The following MARCHF1 variants were observed in gnomAD, a reference collection of about 807,000 sequenced individuals.
MARCHF1 encodes the protein membrane associated ring-CH-type finger 1, also known as E3 ubiquitin-protein ligase MARCHF1.
MARCHF1 carries 40 observed loss-of-function variants against 54.2 expected under a neutral mutation model. The ratio of observed to expected loss-of-function variants is 0.74; its 90% CI spans 0.57 to 0.96. MARCHF1 has a LOEUF of 0.96. Among genes scored for constraint, MARCHF1 ranks in the 40% least tolerant of loss-of-function variants. The pLI is 0.00. For synonymous variants in MARCHF1, 236 were observed against 236.3 expected, an observed-to-expected ratio of 1.00 and a Z score of 0.01; for missense variants, 586 against 656.5, an observed-to-expected ratio of 0.89 and a Z score of 1.17.
intron 1 of MARCHF1, among the ~76,000 whole-genome samples, chr4:164,171,432 G>A (rs548708392): frequency 1.2e-4 from 18 of 152,236 alleles, no homozygotes; most frequent in Middle Eastern, 6.8e-3. Context: ...TGATTTGAAA[G>A]TGTATGGCTT....
chr4:164,067,915 T>A (rs1754763023), intron 2 of MARCHF1, among the ~76,000 whole-genome samples: 1 of 103,924 alleles, frequency 9.6e-6, no homozygotes, highest in South Asian at 3.7e-4. Flanking sequence ...GTAAACCATA[T>A]GAACAGACAC....
chr4:164,019,342 C>G (rs975142255), intron 2 of MARCHF1, among the ~76,000 whole-genome samples: 2 of 152,144 alleles, frequency 1.3e-5, no homozygotes, highest in Non-Finnish European at 2.9e-5. Flanking sequence ...TTTTGGTTCA[C>G]TTAATTCTTC....
chr4:163,632,743 C>A (rs1029807294), intron 5 of MARCHF1, among the ~76,000 whole-genome samples: 3 of 152,346 alleles, frequency 2.0e-5, no homozygotes, highest in Middle Eastern at 3.4e-3. Context: ...GTGGAGCCCA[C>A]CATAGCTCAA....
intron 2 of MARCHF1, among the ~76,000 whole-genome samples, chr4:164,100,480 G>A (rs550253826): frequency 6.6e-6 from 1 of 152,118 alleles, no homozygotes; most frequent in Non-Finnish European, 1.5e-5. Context: ...TCCAACTTCT[G>A]GTGATAAGTA....
intron 4 of MARCHF1, among the ~76,000 whole-genome samples, chr4:163,827,831 C>T (rs145558761): frequency 8.5e-5 from 13 of 152,160 alleles, no homozygotes; most frequent in African/African-American, 3.1e-4. Context: ...CCAATGAAAA[C>T]AAGACCTTTC....
intron 3 of MARCHF1, among the ~76,000 whole-genome samples, chr4:163,929,952 A>ACAT (rs1553963991): frequency 2.9e-4 from 31 of 105,192 alleles, no homozygotes; most frequent in Admixed American, 2.1e-4. Flanking sequence ...TATATTATAT[A>ACAT]TATTATATAT....
At chr4:164,086,297 A>G (rs1296766664) in intron 2 of MARCHF1, among the ~76,000 whole-genome samples, 1 of 151,916 alleles carries the variant, frequency 6.6e-6, no homozygotes, top group African/African-American at 2.4e-5. Flanking sequence ...ATGGAGATGT[A>G]TCATGAATCT....
chr4:164,240,083 G>T (rs961528831), intron 1 of MARCHF1, among the ~76,000 whole-genome samples: 1 of 152,098 alleles, frequency 6.6e-6, no homozygotes, highest in African/African-American at 2.4e-5. Flanking sequence ...GAAATAGATT[G>T]TTCATCTCAA....
chr4:164,262,000 G>A (rs1335813309), intron 1 of MARCHF1, among the ~76,000 whole-genome samples: 2 of 151,444 alleles, frequency 1.3e-5, no homozygotes. Context: ...AGCTACTCAG[G>A]AGGCAGAGGC....
rs773553665 is a variant in MARCHF1, at chr4:163,853,221, GTTCATA to G, written c.111+794_111+799del. ...TAAAAAATACCCTAAATGATTCTTT[GTTCATA>G]TTTACTTATATGTTCAACTGCTAAT... On this transcript the variant is annotated intron_variant, in intron 4 of 9. Coordinates refer to ENST00000514618, the MANE Select transcript of MARCHF1 (RefSeq NM_001394959.1). Among the ~76,000 whole-genome samples, 145 of 152,188 alleles carry G rather than the reference GTTCATA, an allele frequency of 9.5e-4. 2 individuals are homozygous for G. The Middle Eastern group carries it at 0.038, about 40-fold the overall frequency.
At chr4:164,188,594 G>T in intron 1 of MARCHF1, 1 of 837,208 alleles carries the variant, frequency 1.2e-6, no homozygotes, top group Non-Finnish European at 2.1e-6. Context: ...TCTTGAAGGG[G>T]AATATCTGAT....
At chr4:164,318,326 T>C (rs1023620763) in intron 1 of MARCHF1, among the ~76,000 whole-genome samples, 4 of 152,104 alleles carry the variant, frequency 2.6e-5, no homozygotes, top group African/African-American at 7.3e-5. Context: ...CAATGTTTGA[T>C]GTTAACGTGG....
intron 4 of MARCHF1, among the ~76,000 whole-genome samples, chr4:163,747,647 C>G (rs1240809494): frequency 6.6e-6 from 1 of 152,144 alleles, no homozygotes; most frequent in East Asian, 1.9e-4. Flanking sequence ...CCAAATTGAA[C>G]TTCTAGAGCT....
At chr4:163,846,288 A>G (rs906753706) in intron 4 of MARCHF1, among the ~76,000 whole-genome samples, 2 of 152,214 alleles carry the variant, frequency 1.3e-5, no homozygotes, top group African/African-American at 4.8e-5. Flanking sequence ...ACTAAAAGAA[A>G]TAAGGGTGAG....
intron 3 of MARCHF1, among the ~76,000 whole-genome samples, chr4:163,913,308 T>C (rs1751236404): frequency 6.6e-6 from 1 of 152,170 alleles, no homozygotes; most frequent in Non-Finnish European, 1.5e-5. Flanking sequence ...TGTTATTGAT[T>C]AATTTTCTGT....
At chr4:164,278,523 A>G (rs1376187325) in intron 1 of MARCHF1, among the ~76,000 whole-genome samples, 1 of 152,212 alleles carries the variant, frequency 6.6e-6, no homozygotes, top group Admixed American at 6.5e-5. Flanking sequence ...GTTAAATGGT[A>G]TAATGTTAGC....
chr4:163,821,967 A>G (rs1317022419), intron 4 of MARCHF1, among the ~76,000 whole-genome samples: 1 of 152,024 alleles, frequency 6.6e-6, no homozygotes, highest in Non-Finnish European at 1.5e-5. Flanking sequence ...GGAAGCAGAT[A>G]TAAAAGGAAA....
intron 4 of MARCHF1, among the ~76,000 whole-genome samples, chr4:163,800,877 A>C (rs746042523): frequency 7.0e-4 from 107 of 152,124 alleles, no homozygotes; most frequent in Admixed American, 2.6e-4. Flanking sequence ...TAAACTCCAG[A>C]GGACAAGGCC....
At chr4:164,238,388 C>T (rs1732629509) in intron 1 of MARCHF1, among the ~76,000 whole-genome samples, 1 of 152,010 alleles carries the variant, frequency 6.6e-6, no homozygotes, top group South Asian at 2.1e-4. Context: ...TGACATTTTC[C>T]AGATTTTGCA....
Sources: gnomAD v4.1 joint callset for allele counts (sites outside exome capture counted in the v4.1 genomes callset) on GRCh38, gnomAD v4.1.1 for gene constraint, MANE v1.5 for transcripts, NCBI Gene and HGNC (gene_info 2026-07-23, HGNC 2026-07-21) for gene names.